Variants in ATP11A observed in about 807,000 individuals in gnomAD.
The protein encoded by ATP11A is phospholipid-transporting ATPase IH.
In ATP11A, 81 loss-of-function variants were observed where a neutral mutation model predicts 154.4. The ratio of observed to expected loss-of-function variants is 0.52; its 90% confidence interval spans 0.44 to 0.63. ATP11A has a LOEUF of 0.63. ATP11A is among the 30% of genes least tolerant of loss of function. ATP11A has a pLI of 0.00. For synonymous variants in ATP11A, 623 were observed against 585.9 expected (o/e 1.06, Z -0.91); for missense variants, 1,316 against 1,474.3 (o/e 0.89, Z 1.76).
chr13:112,844,256 C>T (rs2079511414), intron 17 of ATP11A, among the ~76,000 whole-genome samples: 1 of 152,230 alleles, frequency 6.6e-6, no homozygotes, highest in Non-Finnish European at 1.5e-5. Flanking sequence ...CCCACTGCTG[C>T]TGCCCAGGAG....
intron 16 of ATP11A, among the ~76,000 whole-genome samples, chr13:112,841,184 G>T (rs1003630973): frequency 1.3e-4 from 19 of 149,012 alleles, no homozygotes; most frequent in African/African-American, 4.8e-4. Context: ...CCTGCGCCCA[G>T]GCACAAACCA....
intron 1 of ATP11A, among the ~76,000 whole-genome samples, chr13:112,741,930 T>TGCTCCCCTTCCCCACGGAAGAGC (rs905408632): frequency 9.2e-5 from 14 of 151,970 alleles, no homozygotes; most frequent in Admixed American, 1.3e-4. Context: ...CTCCATAGAC[T>TGCTCCCCTTCCCCACGGAAGAGC]GCTCCCCTTC....
chr13:112,789,870 C>T (rs554932505), intron 2 of ATP11A, among the ~76,000 whole-genome samples: 9 of 143,912 alleles, frequency 6.3e-5, no homozygotes, highest in East Asian at 4.2e-4. Flanking sequence ...TAATTCACAC[C>T]GGTGTCCTGA....
intron 2 of ATP11A, among the ~76,000 whole-genome samples, chr13:112,801,373 G>C (rs1254570662): frequency 6.7e-6 from 1 of 149,766 alleles, no homozygotes; most frequent in Non-Finnish European, 1.5e-5. Context: ...TTCACCCTAA[G>C]ATTGGAAAAA....
rs1210661271 is a variant in ATP11A at position 112,886,194 on chromosome 13, G to GA, written c.*4329dup. 6.6e-6 allele frequency: 1 copy of GA among 152,304 alleles called. No individual in the cohort carries two copies. Among genetic ancestry groups the GA allele is most frequent in the Non-Finnish European group, 1.5e-5 (1 of 68,070 alleles). The allele number at this position is 152,304 out of a possible 1,614,324, so 9.4% of individuals were successfully genotyped here. On this transcript the variant is annotated 3_prime_UTR_variant, in exon 30 of 30. Transcript: ENST00000375645. ...CACACCGTCTCGAGGGAGGAGGCCA[G>GA]ATGCGGCCAGCGTCTCCAACAGGGT... is the stretch of plus-strand genomic sequence containing the variant.
In ATP11A at chr13:112,882,007, C is replaced by G. The variant is rs149551054; in HGVS notation, c.*141C>G. Reference sequence around the variant, plus strand: ...CCATCCTCGGCGGTTCCCATCACCACTGCAGTTCCATCCCAAGTCACAGCT... The same window carrying G: ...CCATCCTCGGCGGTTCCCATCACCAGTGCAGTTCCATCCCAAGTCACAGCT... On this transcript the variant is annotated 3_prime_UTR_variant, in exon 30 of 30. Coordinates refer to ENST00000375645, the MANE Select transcript of ATP11A (RefSeq NM_015205.3). The surrounding 1 kb of genome is among the most constrained non-coding windows in gnomAD (Gnocchi z 5.1). The G allele has an allele frequency of 1.0e-5, 14 of 1,367,722 alleles. No homozygotes were observed. The African/African-American group carries it at 1.9e-4, about 19-fold the overall frequency. 84.7% of individuals were successfully genotyped at this position (1,367,722 alleles called of 1,614,324 possible). A position where few individuals can be genotyped will look rare whatever the true frequency, so the allele number is the denominator to read the frequency against.
chr13:112,713,973 A>G (rs865792744), intron 1 of ATP11A, among the ~76,000 whole-genome samples: 24 of 20,708 alleles, frequency 1.2e-3, no homozygotes, highest in Admixed American at 1.8e-3. Flanking sequence ...CTTCCCACCC[A>G]GCTTCCATTC....
chr13:112,758,477 G>A (rs2076893819), intron 1 of ATP11A, among the ~76,000 whole-genome samples: 1 of 150,546 alleles, frequency 6.6e-6, no homozygotes. Context: ...AGGCTGGAGT[G>A]CAGTGGCACA....
At chr13:112,866,139 A>G (rs2080324307) in intron 25 of ATP11A, among the ~76,000 whole-genome samples, 1 of 151,788 alleles carries the variant, frequency 6.6e-6, no homozygotes, top group Admixed American at 6.6e-5. Context: ...GTCCCTTCCC[A>G]CCCTCAGATA....
intron 24 of ATP11A, 73 bp from the exon 25 acceptor site, chr13:112,862,367 C>A (rs1383240816): frequency 6.3e-7 from 1 of 1,576,970 alleles, no homozygotes; most frequent in African/African-American, 1.3e-5. Flanking sequence ...CAGGGATGGC[C>A]ACCCCAGAGC....
At chr13:112,724,296 A>G (rs1444877444) in intron 1 of ATP11A, among the ~76,000 whole-genome samples, 1 of 151,310 alleles carries the variant, frequency 6.6e-6, no homozygotes, top group African/African-American at 2.4e-5. Flanking sequence ...ACACAGCTAC[A>G]AGTCTCAGGG....
rs189303933 is a variant in ATP11A at position 112,859,280 on chromosome 13, G to A, written c.2668-113G>A. 2,905 of 829,672 alleles carry A rather than the reference G, an allele frequency of 3.5e-3. 78 individuals carry two copies. In the Admixed American group the frequency reaches 0.045, roughly 13 times the overall value. The allele number at this position is 829,672 out of a possible 1,614,324, so 51.4% of individuals were successfully genotyped here. On this transcript the variant is annotated intron_variant, in intron 22 of 29. Transcript: ENST00000375645. The surrounding 1 kb of genome is among the most constrained non-coding windows in gnomAD (Gnocchi z 4.3). The stretch of plus-strand genomic sequence containing the variant: ...TAGAACCCATTAGTGCTGTTCTGCC[G>A]CACGCTGGGTGCACGTGGATCCCTC...
intron 6 of ATP11A, among the ~76,000 whole-genome samples, chr13:112,816,614 G>A (rs1201604953): frequency 2.0e-5 from 3 of 151,890 alleles, no homozygotes; most frequent in Non-Finnish European, 4.4e-5. Context: ...CACTCAGTGC[G>A]GCAAAAACTC....
rs1017024882 is a variant in ATP11A, at chr13:112,753,705, T to G, written c.40-31430T>G. ...CTTCTTTATTCTTGATATTTTTGTG[T>G]GCCTGATTCCTGACATATTTATTAT... On this transcript the variant is annotated intron_variant, in intron 1 of 29. Transcript: ENST00000375645. This position sits in a 1 kb window ranked among gnomAD's most constrained non-coding sequence, Gnocchi z 4.1. 6.6e-6 allele frequency among the ~76,000 whole-genome samples: 1 copy of G among 152,180 alleles called. No homozygotes were observed. The highest frequency in any genetic ancestry group is 2.4e-5 in the African/African-American group (1 of 41,456).
chr13:112,701,135 G>A (rs1483591211), intron 1 of ATP11A, among the ~76,000 whole-genome samples: 1 of 152,170 alleles, frequency 6.6e-6, no homozygotes, highest in African/African-American at 2.4e-5. Context: ...ACAGAAATTC[G>A]AGTCCGCCTG....
chr13:112,839,794 C>A (rs964278241), intron 16 of ATP11A, among the ~76,000 whole-genome samples: 1 of 152,186 alleles, frequency 6.6e-6, no homozygotes, highest in Non-Finnish European at 1.5e-5. Context: ...GAAAGTTAAG[C>A]CATTCACATG....
rs182538787 is a variant in ATP11A at position 112,733,051 on chromosome 13, A to C, written c.39+42596A>C. 2.4e-3 allele frequency among the ~76,000 whole-genome samples: 359 copies of C among 152,336 alleles called. 4 individuals carry two copies. Among genetic ancestry groups the C allele is most frequent in the Admixed American group, 0.022 (336 of 15,298 alleles). ...GTTATTTATATAAAGATTTCTGTACATGTTTTTGTTCTAAAAATACATTTC... is the reference window on the plus strand; with the variant it reads ...GTTATTTATATAAAGATTTCTGTACCTGTTTTTGTTCTAAAAATACATTTC... On this transcript the variant is annotated intron_variant, in intron 1 of 29. Coordinates refer to ENST00000375645, the MANE Select transcript of ATP11A (RefSeq NM_015205.3).
chr13:112,819,195 C>T (rs754951900), intron 6 of ATP11A, 109 bp from the exon 7 acceptor site: 6 of 877,562 alleles, frequency 6.8e-6, no homozygotes, highest in Non-Finnish European at 1.1e-5. Flanking sequence ...TAAACATTTA[C>T]AAACTCATAG....
chr13:112,773,235 C>G (rs557973966), intron 1 of ATP11A, among the ~76,000 whole-genome samples: 2 of 152,262 alleles, frequency 1.3e-5, no homozygotes, highest in South Asian at 4.1e-4. Flanking sequence ...GCCCCACCAT[C>G]GCCACCCTCA....
Sources: gnomAD v4.1 joint callset for allele counts (sites outside exome capture counted in the v4.1 genomes callset) on GRCh38, gnomAD v4.1.1 for gene constraint, Gnocchi (gnomAD v3.1) non-coding constraint, MANE v1.5 for transcripts, NCBI Gene and HGNC (gene_info 2026-07-23, HGNC 2026-07-21) for gene names.